KALRN: variants seen among roughly 807,000 people sequenced by gnomAD.
KALRN encodes the protein kalirin RhoGEF kinase, also known as kalirin.
In KALRN, 70 loss-of-function variants were observed where a neutral mutation model predicts 353.7. The ratio of observed to expected loss-of-function variants is 0.20; its 90% confidence interval spans 0.16 to 0.24. The LOEUF is 0.24. Ranked by LOEUF, KALRN falls within the 10% of genes least tolerant of loss-of-function variation. The pLI, the probability that KALRN is intolerant of heterozygous loss-of-function variation, is 1.00. For missense variants in KALRN, 2,791 were observed against 3,756.7 expected, an observed-to-expected ratio of 0.74 and a Z score of 6.72; for synonymous variants, 1,391 against 1,434.8, an observed-to-expected ratio of 0.97 and a Z score of 0.69.
chr3:124,631,974 C>A (rs2080835132), intron 34 of KALRN, among the ~76,000 whole-genome samples: 1 of 152,240 alleles, frequency 6.6e-6, no homozygotes, highest in Non-Finnish European at 1.5e-5. Context: ...GGCCTTGGCT[C>A]ACATGTCATG....
intron 1 of KALRN, chr3:124,163,925 G>A (rs1458201521): frequency 1.1e-5 from 11 of 985,316 alleles, no homozygotes; most frequent in East Asian, 1.1e-4. Context: ...GCTGAGGGCT[G>A]TTGTAGCTTT....
chr3:124,499,193 C>T (rs1046422684), intron 33 of KALRN, among the ~76,000 whole-genome samples: 1 of 152,154 alleles, frequency 6.6e-6, no homozygotes. Context: ...GACACACCAA[C>T]TTGGGGAGCT....
At chr3:124,709,728 G>A (rs760791696) in intron 57 of KALRN, among the ~76,000 whole-genome samples, 53 of 152,190 alleles carry the variant, frequency 3.5e-4, no homozygotes, top group Non-Finnish European at 4.4e-5. Context: ...ATTCCAGAAA[G>A]AGAGAATAGA....
In KALRN at chr3:124,334,359, A is replaced by G. The variant is rs768339670; in HGVS notation, c.1511A>G (p.Lys504Arg). The G allele has an allele frequency of 9.3e-6, 15 of 1,614,236 alleles. No individual in the cohort carries two copies. The highest frequency in any genetic ancestry group is 1.2e-5 in the Non-Finnish European group (14 of 1,180,028). The change falls in exon 9 of 60, where the codon AAG (lysine) becomes AGG (arginine). Residue 504 changes from lysine (K) to arginine (R), a missense_variant. This residue lies in a region of KALRN where 366 missense variants were observed against 489.2 expected (regional missense o/e 0.75). Transcript: ENST00000682506. This position sits in a 1 kb window ranked among gnomAD's most constrained non-coding sequence, Gnocchi z 4.2. ...ESLTATANYSKAVHQVLDVVH... is the reference protein window; with the variant it reads ...ESLTATANYSRAVHQVLDVVH... ...CTCACGGCCACAGCCAACTACTCCA[A>G]GGCAGTGCACCAGGTGCTGGACGTG...
chr3:124,350,144 A>T (rs961556804), intron 10 of KALRN, among the ~76,000 whole-genome samples: 1 of 152,204 alleles, frequency 6.6e-6, no homozygotes. Flanking sequence ...TGTTTTGGTT[A>T]TAGGCCGCAG....
intron 1 of KALRN, among the ~76,000 whole-genome samples, chr3:124,115,157 T>C (rs1315178277): frequency 6.6e-6 from 1 of 151,950 alleles, no homozygotes; most frequent in Non-Finnish European, 1.5e-5. Flanking sequence ...ATTTGGGAAA[T>C]AGTCTTTATG....
chr3:124,105,244 C>G (rs1391666852), intron 1 of KALRN, among the ~76,000 whole-genome samples: 1 of 152,188 alleles, frequency 6.6e-6, no homozygotes, highest in African/African-American at 2.4e-5. Flanking sequence ...GCAACTGTTA[C>G]ACTAAAAGTC....
In KALRN at chr3:124,413,584, C is replaced by T. The variant is rs746030902; in HGVS notation, c.2461C>T (p.Leu821=). ...QRLQRHTERK[L]AMNNMTFEVI... Reference sequence around the variant, plus strand: ...GCTGCAGCGCCACACAGAACGGAAGCTAGCCATGAACAACATGACCTTTGA... The same window carrying T: ...GCTGCAGCGCCACACAGAACGGAAGTTAGCCATGAACAACATGACCTTTGA... The change falls in exon 14 of 60, where the codon CTA becomes TTA. Residue 821 remains leucine (L), a synonymous_variant. Transcript: ENST00000682506. 5 of 1,613,912 alleles carry T rather than the reference C, an allele frequency of 3.1e-6. 1 individual carries two copies. Among genetic ancestry groups the T allele is most frequent in the Middle Eastern group, 3.3e-4 (2 of 6,058 alleles).
chr3:124,065,029 A>T (rs2149235266), intron 1 of KALRN, among the ~76,000 whole-genome samples: 1 of 152,306 alleles, frequency 6.6e-6, no homozygotes, highest in East Asian at 1.9e-4. Flanking sequence ...TGTGTCTCTC[A>T]CATGGTCTTG....
chr3:124,289,123 A>G (rs2076204861), intron 5 of KALRN, among the ~76,000 whole-genome samples: 1 of 152,176 alleles, frequency 6.6e-6, no homozygotes, highest in South Asian at 2.1e-4. Flanking sequence ...GAGACAGGGC[A>G]AGTGTGCTAG....
At chr3:124,300,621 G>C (rs573176136) in intron 6 of KALRN, among the ~76,000 whole-genome samples, 1 of 152,338 alleles carries the variant, frequency 6.6e-6, no homozygotes, top group East Asian at 1.9e-4. Context: ...GAAGTGGCTG[G>C]GGACATTGTG....
chr3:124,643,356 C>T (rs1398759810), intron 37 of KALRN, among the ~76,000 whole-genome samples: 2 of 152,046 alleles, frequency 1.3e-5, no homozygotes, highest in Admixed American at 6.6e-5. Flanking sequence ...TCTGAAATGT[C>T]ATTGGCCTGG....
chr3:124,267,165 C>G (rs2073657369), intron 4 of KALRN, among the ~76,000 whole-genome samples: 1 of 152,172 alleles, frequency 6.6e-6, no homozygotes, highest in Non-Finnish European at 1.5e-5. Flanking sequence ...AGAGTATAAG[C>G]TTGTTCAACA....
At chr3:124,036,438 T>C (rs560350279) in intron 1 of KALRN, among the ~76,000 whole-genome samples, 1 of 152,032 alleles carries the variant, frequency 6.6e-6, no homozygotes, top group South Asian at 2.1e-4. Context: ...GATGTACATG[T>C]ACCACATTTT....
At chr3:124,066,727 G>A (rs2042392153) in intron 1 of KALRN, among the ~76,000 whole-genome samples, 1 of 152,184 alleles carries the variant, frequency 6.6e-6, no homozygotes, top group African/African-American at 2.4e-5. Flanking sequence ...GGGCAAGGGA[G>A]CCTTCATATG....
chr3:124,390,424 G>T (rs976773903), intron 11 of KALRN, among the ~76,000 whole-genome samples: 6 of 152,018 alleles, frequency 3.9e-5, no homozygotes, highest in African/African-American at 1.4e-4. Context: ...ACTCAAATAG[G>T]TACAAACATA....
intron 49 of KALRN, among the ~76,000 whole-genome samples, chr3:124,676,521 G>T (rs3772787): frequency 6.6e-6 from 1 of 152,098 alleles, no homozygotes; most frequent in Non-Finnish European, 1.5e-5. Flanking sequence ...CTTCTGGGAA[G>T]AATATGAAAC....
chr3:124,057,628 C>G (rs1203250045), intron 1 of KALRN, among the ~76,000 whole-genome samples: 1 of 152,020 alleles, frequency 6.6e-6, no homozygotes, highest in Non-Finnish European at 1.5e-5. Flanking sequence ...GTGCCAAACT[C>G]CCAAGCAGAA....
chr3:124,524,554 C>A (rs529811137), intron 33 of KALRN, among the ~76,000 whole-genome samples: 3 of 152,078 alleles, frequency 2.0e-5, no homozygotes, highest in Admixed American at 6.5e-5. Flanking sequence ...AAATGACTAT[C>A]CTTTAAAAAA....
Sources: gnomAD v4.1 joint callset for allele counts (sites outside exome capture counted in the v4.1 genomes callset) on GRCh38, gnomAD v4.1.1 for gene constraint, gnomAD v4.1.1 regional missense constraint, Gnocchi (gnomAD v3.1) non-coding constraint, MANE v1.5 for transcripts, NCBI Gene and HGNC (gene_info 2026-07-23, HGNC 2026-07-21) for gene names.